STARD9: variants seen among roughly 807,000 people sequenced by gnomAD.
STARD9 encodes the protein StAR related lipid transfer domain containing 9.
Under a neutral mutation model 399.8 loss-of-function variants are expected in STARD9, and 346 were observed. The observed-to-expected ratio is 0.87, with a 90% CI of 0.79 to 0.95. The LOEUF (loss-of-function observed/expected upper bound fraction) is 0.95, where lower values mean the gene tolerates loss of function less well. STARD9 is among the 40% of genes least tolerant of loss of function. STARD9 has a pLI of 0.00. For synonymous variants in STARD9, 2,203 were observed against 2,143.5 expected (o/e 1.03, Z -0.77); for missense variants, 5,832 against 5,667.5 (o/e 1.03, Z -0.93).
intron 3 of STARD9, among the ~76,000 whole-genome samples, chr15:42,607,074 A>G (rs997195276): frequency 6.6e-6 from 1 of 150,892 alleles, no homozygotes; most frequent in Non-Finnish European, 1.5e-5. Flanking sequence ...TAGCTTCCTG[A>G]GTAGCTGGGA....
chr15:42,692,107 G>A lies in STARD9; in HGVS notation c.10529G>A (p.Arg3510Gln), dbSNP rs937269400. The A allele has an allele frequency of 6.9e-5, 106 of 1,536,992 alleles. No individual in the cohort carries two copies. The highest frequency in any genetic ancestry group is 1.7e-4 in the Middle Eastern group (1 of 6,012). Residue 3510 changes from arginine to glutamine, a missense_variant, in exon 23 of 33, where the codon CGG (arginine) becomes CAG (glutamine). Physicochemically the swap from Arg to Gln is conservative, Grantham distance 43 (BLOSUM62 1). This residue lies in a region of STARD9 where 5,828 missense variants were observed against 5,651.1 expected (regional missense o/e 1.03). Coordinates refer to ENST00000290607, the MANE Select transcript of STARD9 (RefSeq NM_020759.3). ...GGGCTGACACTATCAAATGTGGCCC[G>A]GTGCTCCAGCATGGACAATGGCCTA... ...PQGLTLSNVARCSSMDNGLED... is the reference protein window; with the variant it reads ...PQGLTLSNVAQCSSMDNGLED...
chr15:42,592,505 T>C (rs1345393084), intron 3 of STARD9, among the ~76,000 whole-genome samples: 1 of 152,068 alleles, frequency 6.6e-6, no homozygotes, highest in Non-Finnish European at 1.5e-5. Flanking sequence ...AGTGCAGTGG[T>C]GCGATCTTAG....
chr15:42,685,919 C>G lies in STARD9; in HGVS notation c.4341C>G (p.Asp1447Glu). ...DGTFQGRCIPDMTQQGSSEAS... is the reference protein window; with the variant it reads ...DGTFQGRCIPEMTQQGSSEAS... ...CCTTTCAGGGCAGATGTATCCCTGA[C>G]ATGACCCAGCAGGGCAGCTCTGAAG... The change falls in exon 23 of 33, where the codon GAC becomes GAG. Residue 1447 changes from aspartate (D) to glutamate (E), a missense_variant. Asp to Glu is a conservative substitution (Grantham distance 45). Around this residue, in one of 2 missense-constraint regions of STARD9, gnomAD observed 5,828 missense variants for 5,651.1 expected, o/e 1.03. Coordinates refer to ENST00000290607, the MANE Select transcript of STARD9 (RefSeq NM_020759.3). 1.3e-6 allele frequency: 2 copies of G among 1,537,198 alleles called. No homozygotes were observed. Among genetic ancestry groups the G allele is most frequent in the Non-Finnish European group, 8.7e-7 (1 of 1,146,918 alleles).
chr15:42,612,740 T>C lies in STARD9; in HGVS notation c.235-22116T>C, dbSNP rs145395424. Among the ~76,000 whole-genome samples the C allele has an allele frequency of 3.2e-3, 485 of 152,232 alleles. 2 individuals carry two copies. The highest frequency in any genetic ancestry group is 5.5e-3 in the Non-Finnish European group (376 of 68,000). The stretch of plus-strand genomic sequence containing the variant: ...TGGCGCATGCCCATAATCCTATCAA[T>C]TGGGAGGCCGAGGTGGGCGGATCAC... On this transcript the variant is annotated intron_variant, in intron 3 of 32. Transcript: ENST00000290607.
chr15:42,628,940 G>A (rs955835011), intron 3 of STARD9, among the ~76,000 whole-genome samples: 1 of 152,126 alleles, frequency 6.6e-6, no homozygotes, highest in African/African-American at 2.4e-5. Context: ...AAAATTTTAG[G>A]ATTGTTTTTT....
chr15:42,580,970 C>T (rs2058156849), intron 1 of STARD9, among the ~76,000 whole-genome samples: 1 of 152,184 alleles, frequency 6.6e-6, no homozygotes, highest in Admixed American at 6.5e-5. Flanking sequence ...CTCATCTTCC[C>T]ATCATTTGGC....
chr15:42,634,537 G>C (rs2059385642), intron 3 of STARD9, among the ~76,000 whole-genome samples: 2 of 152,140 alleles, frequency 1.3e-5, no homozygotes, highest in African/African-American at 4.8e-5. Flanking sequence ...GAGAGATACA[G>C]AATTATTTTG....
intron 3 of STARD9, among the ~76,000 whole-genome samples, chr15:42,592,508 G>C (rs994088474): frequency 6.6e-6 from 1 of 151,798 alleles, no homozygotes; most frequent in Non-Finnish European, 1.5e-5. Context: ...GCAGTGGTGC[G>C]ATCTTAGCTC....
chr15:42,673,433 A>G (rs970607352), intron 16 of STARD9, among the ~76,000 whole-genome samples: 5 of 152,174 alleles, frequency 3.3e-5, no homozygotes, highest in Admixed American at 1.3e-4. Context: ...ACAAAAAGAC[A>G]TTCATTACTG....
intron 3 of STARD9, among the ~76,000 whole-genome samples, chr15:42,606,940 TG>T (rs2058737337): frequency 6.6e-6 from 1 of 151,904 alleles, no homozygotes; most frequent in Non-Finnish European, 1.5e-5. Flanking sequence ...GGCTGGGTTT[TG>T]AAGTGTACTT....
intron 3 of STARD9, among the ~76,000 whole-genome samples, chr15:42,607,363 C>T (rs1342066805): frequency 6.6e-6 from 1 of 151,488 alleles, no homozygotes; most frequent in African/African-American, 2.4e-5. Flanking sequence ...CCACCATGCG[C>T]GGCTAATTTT....
rs541806120 is a variant in STARD9 at position 42,604,481 on chromosome 15, C to A, written c.234+18844C>A. Among the ~76,000 whole-genome samples the A allele has an allele frequency of 2.0e-4, 30 of 152,034 alleles. 1 individual carries two copies. The highest frequency in any genetic ancestry group is 6.8e-4 in the African/African-American group (28 of 41,438). ...TAATAGTTCTTGACAGAGACAGATA[C>A]TAAAGAGAGAATTACTCCACAGTGT... On this transcript the variant is annotated intron_variant, in intron 3 of 32. Transcript: ENST00000290607.
At chr15:42,674,992 C>T in intron 18 of STARD9, 28 bp downstream of exon 18, 1 of 1,492,610 alleles carries the variant, frequency 6.7e-7, no homozygotes, top group African/African-American at 1.4e-5. Flanking sequence ...CCTGTTTATC[C>T]CAAGATGAGT....
chr15:42,618,893 T>C (rs1248106991), intron 3 of STARD9, among the ~76,000 whole-genome samples: 3 of 152,180 alleles, frequency 2.0e-5, no homozygotes, highest in Admixed American at 1.3e-4. Context: ...CTTTTATATA[T>C]GGTTCTTTTT....
chr15:42,715,290 G>C (rs1316737816), intron 26 of STARD9, among the ~76,000 whole-genome samples: 1 of 152,166 alleles, frequency 6.6e-6, no homozygotes, highest in Non-Finnish European at 1.5e-5. Flanking sequence ...GATTAGGGTG[G>C]GTTCAGAAGT....
At position 42,663,337 on chromosome 15, in the gene STARD9, G is replaced by C; in HGVS notation, c.925G>C (p.Gly309Arg). The C allele has an allele frequency of 1.3e-6, 2 of 1,537,344 alleles. No homozygotes were observed. The highest frequency in any genetic ancestry group is 8.7e-7 in the Non-Finnish European group (1 of 1,146,918). ...CQSLNSSVSN[G>R]GDSGILSSPS... is the part of the protein sequence containing the mutation. Reference sequence around the variant, plus strand: ...GAGCCTCAACAGCTCAGTCAGCAATGGTGGTGACAGTGGGATCCTTAGCTC... The same window carrying C: ...GAGCCTCAACAGCTCAGTCAGCAATCGTGGTGACAGTGGGATCCTTAGCTC... The change falls in exon 12 of 33, where the codon GGT becomes CGT. Residue 309 changes from glycine to arginine, a missense_variant. Gly to Arg is a moderately radical substitution (Grantham distance 125). This residue lies in a region of STARD9 where 5,828 missense variants were observed against 5,651.1 expected (regional missense o/e 1.03). Coordinates refer to ENST00000290607, the MANE Select transcript of STARD9 (RefSeq NM_020759.3).
chr15:42,661,825 G>A (rs2059999212), intron 10 of STARD9, among the ~76,000 whole-genome samples: 1 of 152,078 alleles, frequency 6.6e-6, no homozygotes, highest in Non-Finnish European at 1.5e-5. Flanking sequence ...AGGTTGGTGG[G>A]AGTGCAAGCA....
At position 42,718,191 on chromosome 15, in the gene STARD9, G is replaced by C; in HGVS notation, c.13762+12G>C. 1 of 1,534,246 alleles carries C rather than the reference G, an allele frequency of 6.5e-7. No homozygotes were observed. The highest frequency in any genetic ancestry group is 8.7e-7 in the Non-Finnish European group (1 of 1,144,894). Reference sequence around the variant, plus strand: ...CAGCATCAGCCTGGGTGAGCCCAGGGAAGGAAGGCTTCCATGGGGCCTAGT... The same window carrying C: ...CAGCATCAGCCTGGGTGAGCCCAGGCAAGGAAGGCTTCCATGGGGCCTAGT... On this transcript the variant is annotated intron_variant, in intron 30 of 32. Coordinates refer to ENST00000290607, the MANE Select transcript of STARD9 (RefSeq NM_020759.3).
chr15:42,695,682 C>T lies in STARD9; in HGVS notation c.13147-61C>T, dbSNP rs548311083. The T allele has an allele frequency of 2.1e-4, 309 of 1,499,598 alleles. No homozygotes were observed. The East Asian group carries it at 2.8e-3, about 14-fold the overall frequency. The allele number at this position is 1,499,598 out of a possible 1,614,324, so 92.9% of individuals were successfully genotyped here. A position where few individuals can be genotyped will look rare whatever the true frequency, so the allele number is the denominator to read the frequency against. On this transcript the variant is annotated intron_variant, in intron 25 of 32. Coordinates refer to ENST00000290607, the MANE Select transcript of STARD9 (RefSeq NM_020759.3). ...AGGGGTGGCTTTGGGTAGGAAAAGG[C>T]GTGGCCTGGGGAAAGTGAGGGTGCA... is the stretch of plus-strand genomic sequence containing the variant.
Sources: allele counts gnomAD v4.1 joint callset (sites outside exome capture counted in the v4.1 genomes callset), GRCh38; gene constraint gnomAD v4.1.1; regional missense constraint gnomAD v4.1.1; transcripts MANE v1.5; gene names NCBI Gene and HGNC (gene_info 2026-07-23, HGNC 2026-07-21).